Variants in TRAF6 observed in about 807,000 individuals in gnomAD.
TRAF6 encodes the protein TNF receptor-associated factor 6.
A neutral mutation model predicts 48.4 loss-of-function variants in TRAF6; 10 were observed. The ratio of observed to expected loss-of-function variants is 0.21; its 90% confidence interval spans 0.13 to 0.35. The LOEUF is 0.35. Among genes scored for constraint, TRAF6 ranks in the 10% least tolerant of loss-of-function variants. The pLI, the probability that TRAF6 is intolerant of heterozygous loss-of-function variation, is 1.00. For missense variants in TRAF6, 397 were observed against 661.0 expected (o/e 0.60, Z 4.38); for synonymous variants, 186 against 219.6 (o/e 0.85, Z 1.35).
Position 36,507,604 on chromosome 11 carries a change from C to T in TRAF6, c.-23+2444G>A, listed in dbSNP as rs1313325164. Reference sequence around the variant, plus strand: ...ATACACGCGCGTGTATATATGTATACATACACGCGCGTGTATATATGTATA... The same window carrying T: ...ATACACGCGCGTGTATATATGTATATATACACGCGCGTGTATATATGTATA... On this transcript the variant is annotated intron_variant, in intron 1 of 6. Coordinates refer to ENST00000526995, the MANE Select transcript of TRAF6 (RefSeq NM_004620.4). 3.2e-3 allele frequency among the ~76,000 whole-genome samples: 10 copies of T among 3,086 alleles called. 3 individuals carry two copies. Among genetic ancestry groups the T allele is most frequent in the African/African-American group, 4.4e-3 (10 of 2,254 alleles). 2.0% of individuals were successfully genotyped at this position (3,086 alleles called of 152,430 possible).
intron 3 of TRAF6, 116 bp from the exon 4 acceptor site, chr11:36,497,382 T>C (rs1461243894): frequency 2.1e-6 from 2 of 951,522 alleles, no homozygotes; most frequent in Non-Finnish European, 3.0e-6. Context: ...CTTTGTCTAA[T>C]GCACACCACA....
rs1170806946 is a variant in TRAF6, at chr11:36,486,546, C to T, written c.*3292G>A. On this transcript the variant is annotated 3_prime_UTR_variant, in exon 7 of 7. Coordinates refer to ENST00000526995, the MANE Select transcript of TRAF6 (RefSeq NM_004620.4). ...GACCTGTATAATTTTATATGGGTCA[C>T]AATAATTAACTGCTAGAGATCGTCC... is the stretch of plus-strand genomic sequence containing the variant. Among the ~76,000 whole-genome samples, 3 of 152,062 alleles carry T rather than the reference C, an allele frequency of 2.0e-5. No homozygotes were observed. Among genetic ancestry groups the T allele is most frequent in the Admixed American group, 2.0e-4 (3 of 15,270 alleles).
At chr11:36,503,927 A>AT (rs1204813723) in intron 1 of TRAF6, among the ~76,000 whole-genome samples, 1 of 152,154 alleles carries the variant, frequency 6.6e-6, no homozygotes, top group Non-Finnish European at 1.5e-5. Flanking sequence ...AAGTAATACA[A>AT]TTTTTTTGTT....
At chr11:36,496,802 T>C (rs1218045946) in intron 4 of TRAF6, among the ~76,000 whole-genome samples, 1 of 152,218 alleles carries the variant, frequency 6.6e-6, no homozygotes, top group Admixed American at 6.5e-5. Context: ...AAATTGGTTA[T>C]TAAAATATCA....
chr11:36,484,822 A>G lies in TRAF6; in HGVS notation c.*5016T>C, dbSNP rs566092629. On this transcript the variant is annotated 3_prime_UTR_variant, in exon 7 of 7. Coordinates refer to ENST00000526995, the MANE Select transcript of TRAF6 (RefSeq NM_004620.4). Reference sequence around the variant, plus strand: ...ATTTATCAAGTGCAAAAAGAACACGAGAATATTCTGCACAATTTATCAAGG... The same window carrying G: ...ATTTATCAAGTGCAAAAAGAACACGGGAATATTCTGCACAATTTATCAAGG... Among the ~76,000 whole-genome samples the G allele has an allele frequency of 6.6e-6, 1 of 152,364 alleles. No individual in the cohort carries two copies. Among genetic ancestry groups the G allele is most frequent in the Non-Finnish European group, 1.5e-5 (1 of 68,034 alleles).
In TRAF6 at chr11:36,488,062, A is replaced by G. The variant is rs1212182621; in HGVS notation, c.*1776T>C. ...GTTCAGTTTTTAAATGGAACTTGACAATTATTTATTCATTGTAAAATAATC... is the reference window on the plus strand; with the variant it reads ...GTTCAGTTTTTAAATGGAACTTGACGATTATTTATTCATTGTAAAATAATC... On this transcript the variant is annotated 3_prime_UTR_variant, in exon 7 of 7. Transcript: ENST00000526995. 6.6e-6 allele frequency: 1 copy of G among 152,238 alleles called. No individual in the cohort carries two copies. Among genetic ancestry groups the G allele is most frequent in the Non-Finnish European group, 1.5e-5 (1 of 68,038 alleles). 9.4% of individuals were successfully genotyped at this position (152,238 alleles called of 1,614,324 possible).
In TRAF6 at chr11:36,490,782, C is replaced by CT. The variant is rs1253861069; in HGVS notation, c.757-133dup. On this transcript the variant is annotated intron_variant, in intron 6 of 6. Coordinates refer to ENST00000526995, the MANE Select transcript of TRAF6 (RefSeq NM_004620.4). This position sits in a 1 kb window ranked among gnomAD's most constrained non-coding sequence, Gnocchi z 6.4. Reference sequence around the variant, plus strand: ...TCAATTCTCTACAATTTTCCTTTGCCTTCAACAGATTCTTGATCCAATGAG... The same window carrying CT: ...TCAATTCTCTACAATTTTCCTTTGCCTTTCAACAGATTCTTGATCCAATGAG... 1 of 781,570 alleles carries CT rather than the reference C, an allele frequency of 1.3e-6. No homozygotes were observed. The highest frequency in any genetic ancestry group is 2.0e-6 in the Non-Finnish European group (1 of 505,622). The allele number at this position is 781,570 out of a possible 1,614,324, so 48.4% of individuals were successfully genotyped here.
intron 1 of TRAF6, among the ~76,000 whole-genome samples, chr11:36,502,159 G>GA (rs1564968528): frequency 6.6e-6 from 1 of 152,112 alleles, no homozygotes; most frequent in Non-Finnish European, 1.5e-5. Context: ...TTAGATCTTG[G>GA]TTTTTTCTTC....
chr11:36,502,348 T>C (rs941156753), intron 1 of TRAF6, among the ~76,000 whole-genome samples: 1 of 152,250 alleles, frequency 6.6e-6, no homozygotes, highest in Non-Finnish European at 1.5e-5. Flanking sequence ...TATGGAAAAC[T>C]ATTGGTTTCA....
chr11:36,509,212 C>G (rs957027358), intron 1 of TRAF6, among the ~76,000 whole-genome samples: 9 of 152,248 alleles, frequency 5.9e-5, no homozygotes, highest in Admixed American at 2.0e-4. Context: ...TAATAGTAAT[C>G]TGCTCTCAGA....
At chr11:36,495,610 C>T (rs989340739) in intron 4 of TRAF6, among the ~76,000 whole-genome samples, 6 of 152,186 alleles carry the variant, frequency 3.9e-5, no homozygotes, top group East Asian at 1.9e-4. Context: ...AAGGAGTTGT[C>T]GGGCCGGGCG....
intron 3 of TRAF6, among the ~76,000 whole-genome samples, chr11:36,497,733 CTA>C (rs923639899): frequency 2.6e-5 from 4 of 152,008 alleles, no homozygotes; most frequent in African/African-American, 4.8e-5. Context: ...TAATCTGAAA[CTA>C]TAGGCGTATT....
In TRAF6 at chr11:36,490,252, G is replaced by A. The variant is rs777821743; in HGVS notation, c.1155C>T (p.Pro385=). 6.2e-6 allele frequency: 10 copies of A among 1,614,036 alleles called. No homozygotes were observed. Among genetic ancestry groups the A allele is most frequent in the South Asian group, 3.3e-5 (3 of 91,084 alleles). The change falls in exon 7 of 7, where the codon CCC becomes CCT. Residue 385 remains proline, a synonymous_variant. Coordinates refer to ENST00000526995, the MANE Select transcript of TRAF6 (RefSeq NM_004620.4). This position sits in a 1 kb window ranked among gnomAD's most constrained non-coding sequence, Gnocchi z 6.4. ...GCAAGCGCATGCACAGTTTGTACCC[G>A]GGTTTGCCAGTGTAGAATCCAGGGC... ...IHSPGFYTGK[P]GYKLCMRLHL...
intron 1 of TRAF6, among the ~76,000 whole-genome samples, chr11:36,503,320 A>T (rs1479984596): frequency 6.7e-6 from 1 of 148,398 alleles, no homozygotes; most frequent in Non-Finnish European, 1.5e-5. Flanking sequence ...TTTGAGACAG[A>T]GTCTCACTCT....
At chr11:36,491,635 C>A (rs911591210) in intron 6 of TRAF6, among the ~76,000 whole-genome samples, 3 of 152,208 alleles carry the variant, frequency 2.0e-5, no homozygotes, top group African/African-American at 7.2e-5. Context: ...AATCTTGAAA[C>A]TAATTTTGGA....
chr11:36,508,667 C>G (rs1859843862), intron 1 of TRAF6, among the ~76,000 whole-genome samples: 1 of 152,152 alleles, frequency 6.6e-6, no homozygotes, highest in Non-Finnish European at 1.5e-5. Flanking sequence ...TAATGTGCTA[C>G]TAGCTTTAGA....
intron 1 of TRAF6, among the ~76,000 whole-genome samples, chr11:36,502,588 C>A (rs183984657): frequency 1.3e-5 from 2 of 152,168 alleles, no homozygotes; most frequent in South Asian, 4.1e-4. Context: ...TGCCACTTCA[C>A]CAAATCGAGG....
intron 6 of TRAF6, among the ~76,000 whole-genome samples, 156 bp downstream of exon 6, chr11:36,492,395 C>T (rs895174160): frequency 2.0e-5 from 3 of 152,150 alleles, no homozygotes; most frequent in African/African-American, 7.2e-5. Flanking sequence ...CTAAGTATGC[C>T]TTTGCTTCTG....
chr11:36,490,409 G>T lies in TRAF6; in HGVS notation c.998C>A (p.Thr333Asn), dbSNP rs535909443. ...QSMYVSELKR[T>N]IRTLEDKVAE... Reference sequence around the variant, plus strand: ...AACTTTGTCCTCAAGGGTTCGAATGGTTCGTTTGAGCTCACTTACATACAT... The same window carrying T: ...AACTTTGTCCTCAAGGGTTCGAATGTTTCGTTTGAGCTCACTTACATACAT... Residue 333 changes from threonine (T) to asparagine (N), a missense_variant, in exon 7 of 7, where the codon ACC (threonine) becomes AAC (asparagine). By Grantham distance (65) the Thr-to-Asn change is moderately conservative. Around this residue, in one of 4 missense-constraint regions of TRAF6, gnomAD observed 245 missense variants for 349.1 expected, o/e 0.70. Coordinates refer to ENST00000526995, the MANE Select transcript of TRAF6 (RefSeq NM_004620.4). This position sits in a 1 kb window ranked among gnomAD's most constrained non-coding sequence, Gnocchi z 6.4. 7 of 1,614,064 alleles carry T rather than the reference G, an allele frequency of 4.3e-6. No individual in the cohort carries two copies. Among genetic ancestry groups the T allele is most frequent in the Non-Finnish European group, 5.9e-6 (7 of 1,180,032 alleles).
Sources: allele counts gnomAD v4.1 joint callset (sites outside exome capture counted in the v4.1 genomes callset), GRCh38; gene constraint gnomAD v4.1.1; regional missense constraint gnomAD v4.1.1; non-coding constraint Gnocchi (gnomAD v3.1); transcripts MANE v1.5; gene names NCBI Gene and HGNC (gene_info 2026-07-23, HGNC 2026-07-21).